Variants in DMBT1 observed in about 807,000 individuals in gnomAD.
DMBT1 encodes the protein scavenger receptor cysteine-rich domain-containing protein DMBT1.
A neutral mutation model predicts 252.9 loss-of-function variants in DMBT1; 198 were observed. The observed-to-expected ratio is 0.78, with a 90% CI of 0.70 to 0.88. The LOEUF (loss-of-function observed/expected upper bound fraction) is 0.88, where lower values mean the gene tolerates loss of function less well. Ranked by LOEUF, DMBT1 falls within the 40% of genes least tolerant of loss-of-function variation. The pLI is 0.00. For synonymous variants in DMBT1, 990 were observed against 942.7 expected, an observed-to-expected ratio of 1.05 and a Z score of -0.92; for missense variants, 2,432 against 2,404.7, an observed-to-expected ratio of 1.01 and a Z score of -0.24.
chr10:122,566,111 C>T (rs1343131505), intron 2 of DMBT1, 115 bp downstream of exon 2: 6 of 1,118,456 alleles, frequency 5.4e-6, no homozygotes, highest in Middle Eastern at 2.2e-4. Context: ...CCTGCCTTGT[C>T]GAATGCAGGA....
chr10:122,576,808 C>G, intron 7 of DMBT1, 86 bp downstream of exon 7: 1 of 1,549,752 alleles, frequency 6.5e-7, no homozygotes, highest in Non-Finnish European at 8.8e-7. Context: ...AGGCAGATTG[C>G]TTGAGCTCAG....
At chr10:122,636,237 G>A (rs750337470) in intron 53 of DMBT1, 38 bp downstream of exon 53, 2 of 1,536,792 alleles carry the variant, frequency 1.3e-6, no homozygotes, top group African/African-American at 2.7e-5. Context: ...TGGGACTGGG[G>A]ACATCCTGAG....
chr10:122,625,447 C>A, intron 45 of DMBT1, 144 bp downstream of exon 45: 1 of 830,496 alleles, frequency 1.2e-6, no homozygotes, highest in Non-Finnish European at 2.0e-6. Context: ...GGGTGACGAG[C>A]TGAGTTCCCA....
chr10:122,598,681 T>C (rs1384845592), intron 25 of DMBT1, 93 bp from the exon 26 acceptor site: 3 of 1,591,608 alleles, frequency 1.9e-6, no homozygotes, highest in Non-Finnish European at 2.6e-6. Context: ...CCAGGTGACT[T>C]TAGCCATTAG....
Position 122,620,344 on chromosome 10 carries a change from C to A in DMBT1, c.5284+53C>A, listed in dbSNP as rs1434549343. On this transcript the variant is annotated intron_variant, in intron 43 of 55. Coordinates refer to ENST00000338354, the MANE Select transcript of DMBT1 (RefSeq NM_001377530.1). ...GGCTCACTCTCTACCTCTGGACAAA[C>A]GTTTCTTTTGAAAATGAAAGAATGA... 8.8e-6 allele frequency: 14 copies of A among 1,586,278 alleles called. No homozygotes were observed. The South Asian group carries it at 1.5e-4, about 17-fold the overall frequency.
chr10:122,577,801 T>G lies in DMBT1; in HGVS notation c.608-10T>G. ...GTTTGGTGTCTAATGTTGCTATTTT[T>G]TTCTCACAGCTGCCCAGCCTCAGTC... On this transcript the variant is annotated splice_polypyrimidine_tract_variant and intron_variant, in intron 7 of 55. Coordinates refer to ENST00000338354, the MANE Select transcript of DMBT1 (RefSeq NM_001377530.1). The G allele has an allele frequency of 6.2e-7, 1 of 1,613,684 alleles. No individual in the cohort carries two copies. The highest frequency in any genetic ancestry group is 8.5e-7 in the Non-Finnish European group (1 of 1,179,728).
chr10:122,633,206 G>C lies in DMBT1; in HGVS notation c.6413G>C (p.Gly2138Ala). 1 of 1,614,014 alleles carries C rather than the reference G, an allele frequency of 6.2e-7. No homozygotes were observed. Among genetic ancestry groups the C allele is most frequent in the African/African-American group, 1.3e-5 (1 of 75,050 alleles). Residue 2138 changes from glycine to alanine, a missense_variant, in exon 52 of 56, where the codon GGA becomes GCA. Physicochemically the swap from Gly to Ala is moderately conservative, Grantham distance 60 (BLOSUM62 0). Transcript: ENST00000338354. ...GTCCTGACAGCAGATTATTCCTGCG[G>C]AGGCTTCCTATCCCAACCATCAGGG... is the stretch of plus-strand genomic sequence containing the variant. The part of the protein sequence containing the change: ...ITRPNTDYSC[G>A]GFLSQPSGDF...
At chr10:122,562,723 A>G (rs2097559233) in intron 1 of DMBT1, among the ~76,000 whole-genome samples, 3 of 152,230 alleles carry the variant, frequency 2.0e-5, no homozygotes. Context: ...ATGTGCATGC[A>G]TATGGACAGA....
chr10:122,642,768 G>C (rs892458097), intron 55 of DMBT1, among the ~76,000 whole-genome samples: 2 of 152,158 alleles, frequency 1.3e-5, no homozygotes, highest in African/African-American at 4.8e-5. Flanking sequence ...CCGCTCCTGG[G>C]CTCCAAACTC....
intron 44 of DMBT1, 124 bp from the exon 45 acceptor site, chr10:122,625,153 C>T: frequency 1.1e-6 from 1 of 883,418 alleles, no homozygotes. Context: ...TCTACTATTC[C>T]ACTCTCCTGG....
chr10:122,586,858 G>A (rs1378719091), intron 16 of DMBT1, among the ~76,000 whole-genome samples: 1 of 148,340 alleles, frequency 6.7e-6, no homozygotes. Flanking sequence ...CACATGGCGA[G>A]GGATGAAGCA....
intron 7 of DMBT1, among the ~76,000 whole-genome samples, chr10:122,577,233 C>T (rs949167739): frequency 2.6e-5 from 4 of 152,190 alleles, no homozygotes; most frequent in Admixed American, 6.5e-5. Context: ...GTTGGTGAAG[C>T]CTTCCCTCCC....
rs752611558 is a variant in DMBT1 at position 122,598,767 on chromosome 10, C to T, written c.2957-7C>T. The T allele has an allele frequency of 1.5e-5, 24 of 1,612,698 alleles. No individual in the cohort carries two copies. The South Asian group carries it at 2.3e-4, about 16-fold the overall frequency. ...GATGGATGAAGGATTCTTGTGTTCC[C>T]CTGTAGGATCTGAATCCAGTTTGGC... is the stretch of plus-strand genomic sequence containing the variant. On this transcript the variant is annotated splice_polypyrimidine_tract_variant and splice_region_variant and intron_variant, in intron 25 of 55. Transcript: ENST00000338354.
chr10:122,597,847 G>A (rs1016198522), intron 24 of DMBT1, 127 bp from the exon 25 acceptor site: 3 of 1,407,456 alleles, frequency 2.1e-6, no homozygotes, highest in Non-Finnish European at 2.0e-6. Flanking sequence ...GCAGACACAT[G>A]GGGAGCAAGT....
In DMBT1 at chr10:122,636,064, C is replaced by A; in HGVS notation, c.6622C>A (p.Arg2208=). The change falls in exon 53 of 56, where the codon CGA becomes AGA. Residue 2208 remains arginine, a synonymous_variant. Transcript: ENST00000338354. ...CTACCGCAGTTCCCCTCTCATTGCT[C>A]GAGTTTGTGATGGGGCCAGAGGCTC... The part of the protein sequence containing the change: ...GPYRSSPLIA[R]VCDGARGSFT... The A allele has an allele frequency of 6.2e-7, 1 of 1,613,956 alleles. No individual in the cohort carries two copies. The highest frequency in any genetic ancestry group is 8.5e-7 in the Non-Finnish European group (1 of 1,179,892).
At chr10:122,592,221 A>G in intron 19 of DMBT1, 51 bp from the exon 20 acceptor site, 1 of 1,576,812 alleles carries the variant, frequency 6.3e-7, no homozygotes, top group Non-Finnish European at 8.6e-7. Context: ...CGTGCCTTAG[A>G]TCCTTACCTC....
At chr10:122,634,247 G>A (rs1043501111) in intron 52 of DMBT1, among the ~76,000 whole-genome samples, 1 of 152,162 alleles carries the variant, frequency 6.6e-6, no homozygotes, top group East Asian at 1.9e-4. Context: ...CAGAGATGGA[G>A]GAATTGCTGC....
rs556075976 is a variant in DMBT1, at chr10:122,640,443, G to A, written c.7346G>A (p.Arg2449Gln). 2.3e-5 allele frequency: 37 copies of A among 1,611,898 alleles called. No homozygotes were observed. Among genetic ancestry groups the A allele is most frequent in the African/African-American group, 9.3e-5 (7 of 75,036 alleles). ...ACGTCTTTGACTTATGATCTAATCCGGAGTGGGTAAGGAGTGTCTTTATGC... is the reference window on the plus strand; with the variant it reads ...ACGTCTTTGACTTATGATCTAATCCAGAGTGGGTAAGGAGTGTCTTTATGC... ...DFTSLTYDLI[R>Q]SGCVRDDTYG... Residue 2449 changes from arginine to glutamine, a missense_variant, in exon 55 of 56, where the codon CGG becomes CAG. Coordinates refer to ENST00000338354, the MANE Select transcript of DMBT1 (RefSeq NM_001377530.1).
chr10:122,585,911 G>A, intron 15 of DMBT1, 149 bp from the exon 16 acceptor site: 3 of 1,463,208 alleles, frequency 2.1e-6, no homozygotes, highest in Non-Finnish European at 2.8e-6. Flanking sequence ...TGACTTTGAT[G>A]AAGCTGAATC....
Sources: allele counts gnomAD v4.1 joint callset (sites outside exome capture counted in the v4.1 genomes callset), GRCh38; gene constraint gnomAD v4.1.1; transcripts MANE v1.5; gene names NCBI Gene and HGNC (gene_info 2026-07-23, HGNC 2026-07-21).